Variants in CENPK observed in about 807,000 individuals in gnomAD.
The protein encoded by CENPK is centromere protein K, also known as SoxLZ/Sox6-binding protein Solt.
In CENPK, 46 loss-of-function variants were observed where a neutral mutation model predicts 40.9. The ratio of observed to expected loss-of-function variants is 1.13; its 90% CI spans 0.89 to 1.44. CENPK has a LOEUF of 1.44. CENPK is among the 40% of genes most tolerant of loss of function. The pLI is 0.00. For synonymous variants in CENPK, 107 were observed against 104.4 expected, an observed-to-expected ratio of 1.02 and a Z score of -0.15; for missense variants, 288 against 303.5, an observed-to-expected ratio of 0.95 and a Z score of 0.38.
intron 3 of CENPK, among the ~76,000 whole-genome samples, chr5:65,553,708 C>T (rs566440937): frequency 1.3e-5 from 2 of 152,268 alleles, no homozygotes; most frequent in East Asian, 1.9e-4. Context: ...ACTTCTAATC[C>T]TACCTACTTA....
downstream of CENPK, among the ~76,000 whole-genome samples, chr5:65,514,262 A>ATTT (rs1742705100): frequency 3.5e-5 from 1 of 28,700 alleles, no homozygotes; most frequent in Non-Finnish European, 6.1e-5. Context: ...TTTTTTTTTT[A>ATTT]GTTTTTTTTA....
chr5:65,546,852 A>G (rs1749077570), intron 5 of CENPK, among the ~76,000 whole-genome samples: 1 of 152,162 alleles, frequency 6.6e-6, no homozygotes. Flanking sequence ...GAGAAAATTA[A>G]TTTCTGTTGT....
intron 5 of CENPK, among the ~76,000 whole-genome samples, chr5:65,546,035 T>C (rs1748883569): frequency 6.6e-6 from 1 of 152,236 alleles, no homozygotes; most frequent in Non-Finnish European, 1.5e-5. Flanking sequence ...ATTTTTTAAC[T>C]TTTCTTTAAG....
intron 9 of CENPK, among the ~76,000 whole-genome samples, chr5:65,526,914 G>GAA (rs1410953832): frequency 6.6e-6 from 1 of 152,118 alleles, no homozygotes; most frequent in Admixed American, 6.6e-5. Context: ...CCAACACGGT[G>GAA]AAACCCTGTC....
chr5:65,524,495 CA>C (rs74708095), intron 9 of CENPK: 84 of 133,980 alleles, frequency 6.3e-4, no homozygotes, highest in Middle Eastern at 3.8e-3. Flanking sequence ...CTAAAAATAC[CA>C]AAAAAAAAAA....
chr5:65,529,647 A>G (rs1745391741), intron 6 of CENPK: 1 of 154,582 alleles, frequency 6.5e-6, no homozygotes, highest in Non-Finnish European at 1.4e-5. Context: ...CCACCATGCC[A>G]GGCTAATTTT....
chr5:65,503,556 T>C, the CENPK span, among the ~76,000 whole-genome samples: 1 of 152,228 alleles, frequency 6.6e-6, no homozygotes. Flanking sequence ...TGTCTTCTTT[T>C]TCTACAGACA....
At chr5:65,533,448 A>G (rs1398949462) in intron 6 of CENPK, among the ~76,000 whole-genome samples, 1 of 152,112 alleles carries the variant, frequency 6.6e-6, no homozygotes. Flanking sequence ...GTGTCTACGA[A>G]AAACCTACTG....
the CENPK span, among the ~76,000 whole-genome samples, chr5:65,497,200 T>C: frequency 6.6e-6 from 1 of 151,968 alleles, no homozygotes; most frequent in African/African-American, 2.4e-5. Context: ...AAACCCCATT[T>C]CTACTAAAAA....
At chr5:65,499,085 C>A in the CENPK span, among the ~76,000 whole-genome samples, 1 of 151,390 alleles carries the variant, frequency 6.6e-6, no homozygotes, top group African/African-American at 2.4e-5. Flanking sequence ...ATCTTGAACT[C>A]CAGGCTTCAA....
chr5:65,500,601 T>C, the CENPK span, among the ~76,000 whole-genome samples: 1 of 152,192 alleles, frequency 6.6e-6, no homozygotes, highest in Non-Finnish European at 1.5e-5. Flanking sequence ...GTTCATTTGA[T>C]TTCATCATAT....
downstream of CENPK, among the ~76,000 whole-genome samples, chr5:65,512,776 G>A (rs1181369734): frequency 6.6e-6 from 1 of 152,084 alleles, no homozygotes; most frequent in African/African-American, 2.4e-5. Flanking sequence ...GCTATATTTA[G>A]CTTTGTAAAA....
intron 6 of CENPK, among the ~76,000 whole-genome samples, chr5:65,534,811 G>C (rs1746580038): frequency 6.6e-6 from 1 of 152,204 alleles, no homozygotes; most frequent in Admixed American, 6.5e-5. Flanking sequence ...GAATATCTTT[G>C]TGATTCTGAG....
chr5:65,522,375 C>T (rs997814285), intron 9 of CENPK, among the ~76,000 whole-genome samples: 10 of 152,080 alleles, frequency 6.6e-5, no homozygotes, highest in Non-Finnish European at 1.5e-4. Flanking sequence ...TATTATAAGG[C>T]TCAAATCTTC....
the CENPK span, among the ~76,000 whole-genome samples, chr5:65,505,880 C>T: frequency 1.3e-5 from 2 of 152,096 alleles, no homozygotes; most frequent in African/African-American, 4.8e-5. Flanking sequence ...ATTTCTTATC[C>T]ATGCTTCATA....
At chr5:65,529,230 G>C in intron 6 of CENPK, 31 bp from the exon 7 acceptor site, 1 of 1,421,272 alleles carries the variant, frequency 7.0e-7, no homozygotes, top group East Asian at 2.3e-5. Context: ...TTAATTGCTT[G>C]GTCTTTAATC....
At chr5:65,555,058 C>T (rs62369036) in intron 2 of CENPK, 112 bp from the exon 3 acceptor site, 2 of 601,316 alleles carry the variant, frequency 3.3e-6, no homozygotes, top group Non-Finnish European at 5.8e-6. Context: ...ACAAAAATCC[C>T]TCCTACCGTG....
rs765236390 is a variant in CENPK, at chr5:65,542,829, G to C, written c.261C>G (p.Asp87Glu). ...KTPETIPLTEDVLITLGKEEF... is the reference protein window; with the variant it reads ...KTPETIPLTEEVLITLGKEEF... Reference sequence around the variant, plus strand: ...CTTCTTTTCCTAATGTTATGAGAACGTCTTCAGTCAAGGGAATTGCTACAA... The same window carrying C: ...CTTCTTTTCCTAATGTTATGAGAACCTCTTCAGTCAAGGGAATTGCTACAA... Residue 87 changes from aspartate to glutamate, a missense_variant, in exon 6 of 11, where the codon GAC becomes GAG. Asp to Glu is a conservative substitution (Grantham distance 45). Transcript: ENST00000396679. The C allele has an allele frequency of 2.5e-6, 4 of 1,610,260 alleles. No homozygotes were observed. The highest frequency in any genetic ancestry group is 2.5e-6 in the Non-Finnish European group (3 of 1,178,364).
the CENPK span, among the ~76,000 whole-genome samples, chr5:65,502,669 G>A: frequency 1.3e-5 from 2 of 152,038 alleles, no homozygotes; most frequent in African/African-American, 4.8e-5. Context: ...AGAGGCTAGA[G>A]TGCAGTGGTG....
Sources: gnomAD v4.1 joint callset for allele counts (sites outside exome capture counted in the v4.1 genomes callset) on GRCh38, gnomAD v4.1.1 for gene constraint, MANE v1.5 for transcripts, NCBI Gene and HGNC (gene_info 2026-07-23, HGNC 2026-07-21) for gene names.